NALF1: variants seen among roughly 807,000 people sequenced by gnomAD.
NALF1 encodes the protein family with sequence similarity 155 member A.
A neutral mutation model predicts 48.4 loss-of-function variants in NALF1; 3 were observed. That is an observed-to-expected ratio of 0.06 (90% CI 0.03 to 0.16). The LOEUF (loss-of-function observed/expected upper bound fraction) is 0.16, where lower values mean the gene tolerates loss of function less well. NALF1 is among the 10% of genes least tolerant of loss of function. NALF1 has a pLI of 1.00. For synonymous variants in NALF1, 262 were observed against 245.7 expected, an observed-to-expected ratio of 1.07 and a Z score of -0.62; for missense variants, 526 against 571.5, an observed-to-expected ratio of 0.92 and a Z score of 0.81.
intron 1 of NALF1, among the ~76,000 whole-genome samples, chr13:107,246,696 C>T (rs758325759): frequency 1.4e-4 from 22 of 152,054 alleles, no homozygotes; most frequent in Non-Finnish European, 2.8e-4. Context: ...AATATGAAAA[C>T]GAACAAGCCT....
intron 1 of NALF1, among the ~76,000 whole-genome samples, chr13:107,629,278 T>A (rs1048430743): frequency 6.6e-6 from 1 of 152,180 alleles, no homozygotes; most frequent in Non-Finnish European, 1.5e-5. Context: ...CACTAATACA[T>A]CATTCTGTTC....
chr13:107,654,383 G>A (rs1880524588), intron 1 of NALF1, among the ~76,000 whole-genome samples: 1 of 152,054 alleles, frequency 6.6e-6, no homozygotes, highest in Admixed American at 6.6e-5. Context: ...CTTTTGCACA[G>A]TAGAAAACCT....
chr13:107,192,140 T>A (rs1181763223), intron 2 of NALF1, among the ~76,000 whole-genome samples: 1 of 152,090 alleles, frequency 6.6e-6, no homozygotes, highest in Non-Finnish European at 1.5e-5. Context: ...TGTAAAAAGT[T>A]TAAACACAAA....
In NALF1 at chr13:107,612,153, G is replaced by A. The variant is rs1341817980; in HGVS notation, c.915+253529C>T. On this transcript the variant is annotated intron_variant, in intron 1 of 2. Coordinates refer to ENST00000375915, the MANE Select transcript of NALF1 (RefSeq NM_001080396.3). ...AGGAGGAGTGGGGAGGGGAGAGGGT[G>A]GGAGGGAGAGAGGAAGGAAGGAAGG... Among the ~76,000 whole-genome samples the A allele has an allele frequency of 2.1e-4, 24 of 113,008 alleles. 1 individual carries two copies. Among genetic ancestry groups the A allele is most frequent in the Non-Finnish European group, 3.8e-4 (21 of 54,874 alleles). 74.1% of individuals were successfully genotyped at this position (113,008 alleles called of 152,430 possible).
chr13:107,727,751 A>C (rs1489148568), intron 1 of NALF1, among the ~76,000 whole-genome samples: 2 of 152,244 alleles, frequency 1.3e-5, no homozygotes, highest in African/African-American at 4.8e-5. Context: ...CAACCTACAG[A>C]ATAGGAGAAA....
intron 1 of NALF1, among the ~76,000 whole-genome samples, chr13:107,575,882 C>A (rs2476502): frequency 1.3e-5 from 2 of 152,044 alleles, no homozygotes; most frequent in Admixed American, 1.3e-4. Context: ...AGTGCAAAGA[C>A]GTATGTTTGG....
chr13:107,247,339 GA>G (rs1880605633), intron 1 of NALF1, among the ~76,000 whole-genome samples: 1 of 152,096 alleles, frequency 6.6e-6, no homozygotes, highest in Non-Finnish European at 1.5e-5. Context: ...AAAATTCCTG[GA>G]AAGATGACAA....
chr13:107,694,123 T>G (rs1881641219), intron 1 of NALF1, among the ~76,000 whole-genome samples: 1 of 152,202 alleles, frequency 6.6e-6, no homozygotes. Context: ...CAGGAAGCAG[T>G]ACTTGTTAGA....
At chr13:107,669,036 C>T (rs867879907) in intron 1 of NALF1, among the ~76,000 whole-genome samples, 1 of 152,054 alleles carries the variant, frequency 6.6e-6, no homozygotes, top group African/African-American at 2.4e-5. Flanking sequence ...TACACTTTTG[C>T]AAAACTTAAT....
chr13:107,787,782 C>A (rs1223880402), intron 1 of NALF1, among the ~76,000 whole-genome samples: 1 of 152,220 alleles, frequency 6.6e-6, no homozygotes, highest in Non-Finnish European at 1.5e-5. Flanking sequence ...CTTTCCTGAA[C>A]ACTGTAGTAT....
At chr13:107,577,856 C>T (rs959198562) in intron 1 of NALF1, among the ~76,000 whole-genome samples, 8 of 152,118 alleles carry the variant, frequency 5.3e-5, no homozygotes, top group Non-Finnish European at 8.8e-5. Flanking sequence ...CTTCCTTCAT[C>T]GCTTGAGTGG....
chr13:107,433,611 G>A (rs1483000799), intron 1 of NALF1, among the ~76,000 whole-genome samples: 2 of 151,752 alleles, frequency 1.3e-5, no homozygotes, highest in African/African-American at 2.4e-5. Flanking sequence ...GATAATATAT[G>A]TGCAATAAAA....
Position 107,168,762 on chromosome 13 carries a change from G to C in NALF1, c.*1735C>G, listed in dbSNP as rs184073324. The C allele has an allele frequency of 1.3e-5, 2 of 152,490 alleles. No individual in the cohort carries two copies. Among genetic ancestry groups the C allele is most frequent in the East Asian group, 3.9e-4 (2 of 5,182 alleles). 9.4% of individuals were successfully genotyped at this position (152,490 alleles called of 1,614,324 possible). On this transcript the variant is annotated 3_prime_UTR_variant, in exon 3 of 3. Transcript: ENST00000375915. ...TATGCATACTGTACGCATGTCGCAG[G>C]GTTAAGTATGATGCAGAGGTTAAAG...
At chr13:107,633,596 T>C (rs548942821) in intron 1 of NALF1, among the ~76,000 whole-genome samples, 1 of 152,028 alleles carries the variant, frequency 6.6e-6, no homozygotes, top group South Asian at 2.1e-4. Context: ...AAATACCACA[T>C]TAAACCCGTA....
intron 1 of NALF1, among the ~76,000 whole-genome samples, chr13:107,517,057 T>C (rs73594794): frequency 2.2e-4 from 34 of 152,316 alleles, no homozygotes; most frequent in African/African-American, 7.9e-4. Context: ...TTACTATTTG[T>C]ATATTCCTTC....
intron 1 of NALF1, among the ~76,000 whole-genome samples, chr13:107,701,825 ACAT>A (rs1881829024): frequency 1.3e-5 from 2 of 152,208 alleles, no homozygotes; most frequent in South Asian, 4.1e-4. Flanking sequence ...TTATCACATA[ACAT>A]CATTTTGTAA....
chr13:107,227,347 G>A (rs1360340509), intron 1 of NALF1, among the ~76,000 whole-genome samples: 3 of 152,180 alleles, frequency 2.0e-5, no homozygotes, highest in Non-Finnish European at 4.4e-5. Flanking sequence ...TGCACTAGTA[G>A]TAACTTTGAT....
intron 1 of NALF1, among the ~76,000 whole-genome samples, chr13:107,570,114 G>A (rs914969999): frequency 1.3e-5 from 2 of 151,580 alleles, no homozygotes; most frequent in Middle Eastern, 3.4e-3. Flanking sequence ...GTACACCTTG[G>A]TGTTTTCTAT....
intron 1 of NALF1, among the ~76,000 whole-genome samples, chr13:107,226,889 G>C (rs983332368): frequency 1.3e-5 from 2 of 152,200 alleles, no homozygotes; most frequent in African/African-American, 4.8e-5. Context: ...AGTGAAGCCA[G>C]AGTTCATCTC....
Sources: gnomAD v4.1 joint callset for allele counts (sites outside exome capture counted in the v4.1 genomes callset) on GRCh38, gnomAD v4.1.1 for gene constraint, MANE v1.5 for transcripts, NCBI Gene and HGNC (gene_info 2026-07-23, HGNC 2026-07-21) for gene names.